RAB11FIP4: variants seen among roughly 807,000 people sequenced by gnomAD.
RAB11FIP4 encodes the protein RAB11 family interacting protein 4.
Under a neutral mutation model 74.3 loss-of-function variants are expected in RAB11FIP4, and 23 were observed. The ratio of observed to expected loss-of-function variants is 0.31; its 90% CI spans 0.22 to 0.44. The LOEUF is 0.44. Among genes scored for constraint, RAB11FIP4 ranks in the 20% least tolerant of loss-of-function variants. The pLI, the probability that RAB11FIP4 is intolerant of heterozygous loss-of-function variation, is 1.00. For synonymous variants in RAB11FIP4, 360 were observed against 359.9 expected (o/e 1.00, Z 0.00); for missense variants, 630 against 863.9 (o/e 0.73, Z 3.39).
At chr17:31,482,148 C>T (rs1194152363) in intron 3 of RAB11FIP4, among the ~76,000 whole-genome samples, 1 of 152,192 alleles carries the variant, frequency 6.6e-6, no homozygotes, top group Non-Finnish European at 1.5e-5. Context: ...GCCCAGAACC[C>T]AGGCCTCCTG....
chr17:31,441,425 A>G (rs753886284), intron 3 of RAB11FIP4, among the ~76,000 whole-genome samples: 7 of 152,114 alleles, frequency 4.6e-5, no homozygotes, highest in Non-Finnish European at 8.8e-5. Flanking sequence ...TCTTTTTGCT[A>G]TGATATTTTA....
At chr17:31,466,131 G>A (rs745396950) in intron 3 of RAB11FIP4, among the ~76,000 whole-genome samples, 7 of 152,068 alleles carry the variant, frequency 4.6e-5, no homozygotes, top group Non-Finnish European at 8.8e-5. Context: ...GTGACAGAGT[G>A]AGACTCGGTC....
At chr17:31,516,601 C>G (rs2072552792) in intron 3 of RAB11FIP4, among the ~76,000 whole-genome samples, 1 of 152,254 alleles carries the variant, frequency 6.6e-6, no homozygotes, top group South Asian at 2.1e-4. Context: ...TCCCGAGTAG[C>G]TGGGACTACA....
intron 3 of RAB11FIP4, among the ~76,000 whole-genome samples, chr17:31,513,463 G>A (rs2072489781): frequency 6.6e-6 from 1 of 152,174 alleles, no homozygotes; most frequent in South Asian, 2.1e-4. Context: ...GCGGGAGAAG[G>A]AGCAAGGGCT....
At chr17:31,439,007 C>T (rs1355820561) in intron 3 of RAB11FIP4, among the ~76,000 whole-genome samples, 1 of 152,156 alleles carries the variant, frequency 6.6e-6, no homozygotes, top group Non-Finnish European at 1.5e-5. Context: ...ACTCCTTCTG[C>T]CCCAGCCCAA....
chr17:31,392,795 C>A (rs991376374), intron 1 of RAB11FIP4: 1 of 152,346 alleles, frequency 6.6e-6, no homozygotes, highest in African/African-American at 2.4e-5. Flanking sequence ...CTGGTGCCAC[C>A]GGCATGGGGA....
At chr17:31,466,028 C>T (rs2071683168) in intron 3 of RAB11FIP4, among the ~76,000 whole-genome samples, 1 of 150,700 alleles carries the variant, frequency 6.6e-6, no homozygotes, top group South Asian at 2.1e-4. Flanking sequence ...CTGTAAGTCC[C>T]AGCTACTCGG....
intron 3 of RAB11FIP4, among the ~76,000 whole-genome samples, chr17:31,502,941 TCTC>T (rs1260801145): frequency 2.6e-5 from 4 of 152,276 alleles, no homozygotes; most frequent in South Asian, 4.1e-4. Flanking sequence ...TGTGTCCTAA[TCTC>T]CTCTTATAAG....
At chr17:31,420,572 C>T (rs1005918264) in intron 1 of RAB11FIP4, among the ~76,000 whole-genome samples, 1 of 151,650 alleles carries the variant, frequency 6.6e-6, no homozygotes, top group East Asian at 1.9e-4. Flanking sequence ...CTCTCTCTTT[C>T]TCTCTGTCAT....
intron 3 of RAB11FIP4, among the ~76,000 whole-genome samples, chr17:31,466,538 T>C (rs1359835709): frequency 1.3e-5 from 2 of 152,236 alleles, no homozygotes; most frequent in Non-Finnish European, 2.9e-5. Flanking sequence ...GCTGAGACTT[T>C]GCCGAGGTTA....
At chr17:31,424,014 C>T (rs1405999228) in intron 1 of RAB11FIP4, among the ~76,000 whole-genome samples, 1 of 152,064 alleles carries the variant, frequency 6.6e-6, no homozygotes, top group African/African-American at 2.4e-5. Context: ...GGCACTTCTC[C>T]CACTCGATTT....
At chr17:31,525,430 G>C in intron 10 of RAB11FIP4, 200 bp downstream of exon 10, 1 of 600,420 alleles carries the variant, frequency 1.7e-6, no homozygotes, top group Non-Finnish European at 2.9e-6. Context: ...GCTAAGGAAT[G>C]TTCCCAGGAG....
intron 11 of RAB11FIP4, 142 bp downstream of exon 11, chr17:31,528,065 AT>A: frequency 1.4e-6 from 1 of 703,908 alleles, no homozygotes; most frequent in Non-Finnish European, 2.4e-6. Context: ...TGTATTTCTG[AT>A]TTTCCAAGTT....
intron 3 of RAB11FIP4, among the ~76,000 whole-genome samples, chr17:31,507,523 C>A (rs1167250508): frequency 6.6e-6 from 1 of 152,120 alleles, no homozygotes; most frequent in African/African-American, 2.4e-5. Context: ...AGATCTTTTG[C>A]CCATTTTTAA....
intron 1 of RAB11FIP4, 190 bp downstream of exon 1, chr17:31,392,201 G>GC (rs2070880843): frequency 1.3e-5 from 5 of 392,370 alleles, no homozygotes; most frequent in Middle Eastern, 7.0e-4. Flanking sequence ...CTCGCTTTCC[G>GC]CCCCCCGGCG....
intron 3 of RAB11FIP4, among the ~76,000 whole-genome samples, chr17:31,514,141 C>G (rs1201877374): frequency 6.6e-6 from 1 of 152,268 alleles, no homozygotes; most frequent in Non-Finnish European, 1.5e-5. Flanking sequence ...TCTGCCCTGC[C>G]TGTGCCTGAG....
At chr17:31,501,131 T>C (rs957986138) in intron 3 of RAB11FIP4, among the ~76,000 whole-genome samples, 6 of 151,866 alleles carry the variant, frequency 4.0e-5, no homozygotes, top group Non-Finnish European at 7.4e-5. Context: ...CAACAAAATA[T>C]CATCTCTTAA....
chr17:31,458,750 T>C (rs1032976563), intron 3 of RAB11FIP4, among the ~76,000 whole-genome samples: 9 of 152,232 alleles, frequency 5.9e-5, no homozygotes, highest in Non-Finnish European at 1.2e-4. Context: ...ACCAGCATCT[T>C]TGTCACATTA....
rs376005640 is a variant in RAB11FIP4 at position 31,428,349 on chromosome 17, G to C, written c.160-3464G>C. ...GGTTTGGCTTCGGTGCCTGTGATGG[G>C]TGGTGTGGTATGCCGGCGAGTCTGC... On this transcript the variant is annotated intron_variant, in intron 1 of 14. Transcript: ENST00000621161. Among the ~76,000 whole-genome samples the C allele has an allele frequency of 2.1e-4, 32 of 152,328 alleles. No homozygotes were observed. In the South Asian group the frequency reaches 2.5e-3, roughly 12 times the overall value.
Sources: gnomAD v4.1 joint callset for allele counts (sites outside exome capture counted in the v4.1 genomes callset) on GRCh38, gnomAD v4.1.1 for gene constraint, MANE v1.5 for transcripts, NCBI Gene and HGNC (gene_info 2026-07-23, HGNC 2026-07-21) for gene names.